CALCR: variants seen among roughly 807,000 people sequenced by gnomAD.
The protein encoded by CALCR is calcitonin receptor.
CALCR carries 47 observed loss-of-function variants against 59.5 expected under a neutral mutation model. That is an observed-to-expected ratio of 0.79 (90% CI 0.63 to 1.01). The LOEUF (loss-of-function observed/expected upper bound fraction) is 1.01, where lower values mean the gene tolerates loss of function less well. Among genes scored for constraint, CALCR ranks in the 50% least tolerant of loss-of-function variants. The pLI is 0.00. For missense variants in CALCR, 566 were observed against 597.1 expected (o/e 0.95, Z 0.54); for synonymous variants, 213 against 211.3 (o/e 1.01, Z -0.07).
intron 2 of CALCR, among the ~76,000 whole-genome samples, chr7:93,512,631 A>C (rs972248500): frequency 6.6e-6 from 1 of 152,160 alleles, no homozygotes; most frequent in African/African-American, 2.4e-5. Context: ...AGTATCCTAA[A>C]ATATTTAAGA....
intron 2 of CALCR, among the ~76,000 whole-genome samples, chr7:93,529,838 C>T (rs866830181): frequency 2.0e-5 from 3 of 152,016 alleles, no homozygotes; most frequent in African/African-American, 4.8e-5. Flanking sequence ...GAAAATCAAA[C>T]GAATGTTAAT....
intron 2 of CALCR, among the ~76,000 whole-genome samples, chr7:93,543,682 T>A (rs1789206161): frequency 1.3e-5 from 2 of 151,196 alleles, no homozygotes; most frequent in African/African-American, 4.9e-5. Context: ...CACACACACC[T>A]AAGAATGTAC....
At chr7:93,471,127 A>T (rs1213511589) in intron 6 of CALCR, among the ~76,000 whole-genome samples, 1 of 151,750 alleles carries the variant, frequency 6.6e-6, no homozygotes, top group East Asian at 1.9e-4. Flanking sequence ...AAATTATTTC[A>T]TTCTTAGATG....
chr7:93,516,510 C>A (rs1453401768), intron 2 of CALCR, among the ~76,000 whole-genome samples: 1 of 151,740 alleles, frequency 6.6e-6, no homozygotes, highest in Non-Finnish European at 1.5e-5. Flanking sequence ...GATTGCTATG[C>A]AGCAATTTAA....
chr7:93,436,515 A>C (rs1463167703), intron 11 of CALCR, among the ~76,000 whole-genome samples: 1 of 152,220 alleles, frequency 6.6e-6, no homozygotes, highest in Admixed American at 6.5e-5. Context: ...TCCTGATGAT[A>C]CATGAGCTGA....
chr7:93,456,174 A>C (rs909705999), intron 8 of CALCR, among the ~76,000 whole-genome samples: 7 of 152,148 alleles, frequency 4.6e-5, no homozygotes, highest in Admixed American at 4.6e-4. Context: ...TTGTCATTGT[A>C]GTTATTTTGT....
chr7:93,573,870 A>G (rs1790058295), intron 2 of CALCR, among the ~76,000 whole-genome samples: 1 of 152,224 alleles, frequency 6.6e-6, no homozygotes, highest in Admixed American at 6.5e-5. Context: ...TCCAATATCC[A>G]GAACAACCAT....
intron 9 of CALCR, among the ~76,000 whole-genome samples, chr7:93,443,003 AGTTTGTACG>A (rs1799941439): frequency 6.6e-6 from 1 of 152,082 alleles, no homozygotes; most frequent in Admixed American, 6.6e-5. Flanking sequence ...ACCCTGCCTT[AGTTTGTACG>A]GAAGCAGCCA....
intron 2 of CALCR, among the ~76,000 whole-genome samples, chr7:93,543,553 C>G (rs1789202624): frequency 6.6e-6 from 1 of 152,100 alleles, no homozygotes; most frequent in African/African-American, 2.4e-5. Context: ...AATGGCGTCA[C>G]TAGATGATAA....
chr7:93,426,654 A>G lies in CALCR; in HGVS notation c.1192-65T>C, dbSNP rs1799538096. On this transcript the variant is annotated intron_variant, in intron 13 of 13. Coordinates refer to ENST00000426151, the MANE Select transcript of CALCR (RefSeq NM_001742.4). ...AGAAATGATCCATGCAAAGTGTACGAACATCGTTCTTAGAGCTTATCAGAT... is the reference window on the plus strand; with the variant it reads ...AGAAATGATCCATGCAAAGTGTACGGACATCGTTCTTAGAGCTTATCAGAT... 6.0e-6 allele frequency: 5 copies of G among 833,478 alleles called. No homozygotes were observed. The South Asian group carries it at 8.2e-5, about 14-fold the overall frequency. 51.6% of individuals were successfully genotyped at this position (833,478 alleles called of 1,614,324 possible).
chr7:93,440,096 T>TA (rs1389069970), intron 9 of CALCR, among the ~76,000 whole-genome samples: 2 of 152,128 alleles, frequency 1.3e-5, no homozygotes, highest in African/African-American at 4.8e-5. Context: ...ACAGCTGAAT[T>TA]AAATGAATGG....
intron 5 of CALCR, among the ~76,000 whole-genome samples, chr7:93,473,556 G>T (rs1800600525): frequency 2.0e-5 from 3 of 147,944 alleles, no homozygotes; most frequent in South Asian, 4.3e-4. Context: ...ATTTGGCATA[G>T]AAATAAAAGG....
At chr7:93,476,266 C>T (rs1334570734) in intron 5 of CALCR, among the ~76,000 whole-genome samples, 5 of 151,740 alleles carry the variant, frequency 3.3e-5, no homozygotes, top group African/African-American at 9.7e-5. Context: ...GAATGTCAGC[C>T]TCTTTTGAAT....
At position 93,549,011 on chromosome 7, in the gene CALCR, T is replaced by C. The variant is rs561012484; in HGVS notation, c.-27+25278A>G. Among the ~76,000 whole-genome samples, 280 of 152,154 alleles carry C rather than the reference T, an allele frequency of 1.8e-3. 1 individual carries two copies. The highest frequency in any genetic ancestry group is 3.3e-3 in the Non-Finnish European group (227 of 67,986). On this transcript the variant is annotated intron_variant, in intron 2 of 13. Coordinates refer to ENST00000426151, the MANE Select transcript of CALCR (RefSeq NM_001742.4). Reference sequence around the variant, plus strand: ...AATTCTCAAGTAAAGAGGTATTACGTTGGATTTAAGTTATTTCCTTATTTT... The same window carrying C: ...AATTCTCAAGTAAAGAGGTATTACGCTGGATTTAAGTTATTTCCTTATTTT...
chr7:93,544,116 G>A (rs1299534761), intron 2 of CALCR, among the ~76,000 whole-genome samples: 1 of 151,712 alleles, frequency 6.6e-6, no homozygotes, highest in Non-Finnish European at 1.5e-5. Flanking sequence ...TCCGTTAAGA[G>A]ATAGTAACTT....
At chr7:93,479,613 C>G (rs1800749573) in intron 3 of CALCR, 106 bp from the exon 4 acceptor site, 1 of 1,013,268 alleles carries the variant, frequency 9.9e-7, no homozygotes, top group South Asian at 1.7e-5. Flanking sequence ...GCTCTCTAAG[C>G]AATACTTATT....
intron 4 of CALCR, among the ~76,000 whole-genome samples, 173 bp from the exon 5 acceptor site, chr7:93,477,841 A>G (rs1186674692): frequency 6.6e-6 from 1 of 151,652 alleles, no homozygotes; most frequent in Non-Finnish European, 1.5e-5. Context: ...TAGGCTTAGC[A>G]TATCTGTGAC....
At chr7:93,479,092 T>A (rs1450307998) in intron 4 of CALCR, among the ~76,000 whole-genome samples, 1 of 151,868 alleles carries the variant, frequency 6.6e-6, no homozygotes, top group African/African-American at 2.4e-5. Flanking sequence ...CCTTTACTGT[T>A]CCGGCTCACC....
In CALCR at chr7:93,508,515, T is replaced by C. The variant is rs923782136; in HGVS notation, c.-26-21508A>G. Among the ~76,000 whole-genome samples, 4 of 152,194 alleles carry C rather than the reference T, an allele frequency of 2.6e-5. No individual in the cohort carries two copies. The East Asian group carries it at 7.7e-4, about 29-fold the overall frequency. On this transcript the variant is annotated intron_variant, in intron 2 of 13. Transcript: ENST00000426151. Reference sequence around the variant, plus strand: ...GCCTTAATTCTAATTCTGCTTCTATTACCATTGTTGAACTCTCATGTAGCA... The same window carrying C: ...GCCTTAATTCTAATTCTGCTTCTATCACCATTGTTGAACTCTCATGTAGCA...
Sources: gnomAD v4.1 joint callset for allele counts (sites outside exome capture counted in the v4.1 genomes callset) on GRCh38, gnomAD v4.1.1 for gene constraint, MANE v1.5 for transcripts, NCBI Gene and HGNC (gene_info 2026-07-23, HGNC 2026-07-21) for gene names.